The following GALNT14 variants were observed in gnomAD, a reference collection of about 807,000 sequenced individuals.
GALNT14 encodes UDP-GalNAc:polypeptide N-acetylgalactosaminyltransferase 14.
A neutral mutation model predicts 77.5 loss-of-function variants in GALNT14; 60 were observed. That is an observed-to-expected ratio of 0.77 (90% CI 0.63 to 0.96). The LOEUF is 0.96. Among genes scored for constraint, GALNT14 ranks in the 40% least tolerant of loss-of-function variants. The pLI is 0.00. For synonymous variants in GALNT14, 280 were observed against 281.7 expected (o/e 0.99, Z 0.06); for missense variants, 710 against 731.0 (o/e 0.97, Z 0.33).
At chr2:30,922,231 T>C (rs1391431722) in intron 13 of GALNT14, among the ~76,000 whole-genome samples, 1 of 86,498 alleles carries the variant, frequency 1.2e-5, no homozygotes, top group Non-Finnish European at 2.5e-5. Context: ...GTTGAGAAAG[T>C]CCAGGTAGGA....
intron 9 of GALNT14, 110 bp downstream of exon 9, chr2:30,942,091 C>T (rs1165450385): frequency 3.6e-5 from 25 of 700,608 alleles, no homozygotes; most frequent in East Asian, 8.0e-5. Context: ...ATCCAAAGCA[C>T]GTGTCACTCT....
chr2:31,110,316 C>T (rs901877044), intron 1 of GALNT14, among the ~76,000 whole-genome samples: 2 of 152,160 alleles, frequency 1.3e-5, no homozygotes, highest in Admixed American at 1.3e-4. Context: ...CAATGGTTGT[C>T]CCACCTGTAG....
the GALNT14 span, among the ~76,000 whole-genome samples, chr2:30,888,962 T>C: frequency 6.6e-6 from 1 of 151,556 alleles, no homozygotes. Context: ...GGGTGAGTCT[T>C]GTTATCTCCC....
chr2:30,911,572 C>A (rs1664363984), intron 14 of GALNT14, among the ~76,000 whole-genome samples: 1 of 152,092 alleles, frequency 6.6e-6, no homozygotes, highest in African/African-American at 2.4e-5. Flanking sequence ...GGGGAAGCAC[C>A]CCGGAGAGGG....
At chr2:30,944,731 G>A (rs934250645) in intron 8 of GALNT14, 127 bp downstream of exon 8, 6 of 687,052 alleles carry the variant, frequency 8.7e-6, no homozygotes, top group Non-Finnish European at 1.4e-5. Context: ...CAAAAGTGGA[G>A]ATGGCCTGGC....
intron 1 of GALNT14, among the ~76,000 whole-genome samples, chr2:31,092,165 G>A (rs1428572937): frequency 6.6e-6 from 1 of 152,062 alleles, no homozygotes; most frequent in East Asian, 1.9e-4. Context: ...GAGGTTTTGA[G>A]ACTTAGACTG....
chr2:30,887,368 C>A, the GALNT14 span, among the ~76,000 whole-genome samples: 4 of 152,100 alleles, frequency 2.6e-5, no homozygotes, highest in African/African-American at 9.7e-5. Flanking sequence ...TTCTTCATAT[C>A]CTTGCTAATA....
downstream of GALNT14, among the ~76,000 whole-genome samples, chr2:30,905,517 A>G (rs982873381): frequency 2.6e-5 from 4 of 152,104 alleles, no homozygotes; most frequent in African/African-American, 9.7e-5. Context: ...GAGAAAAAAG[A>G]ATAAAAAGAA....
chr2:31,022,708 CT>C (rs926582054), intron 1 of GALNT14, among the ~76,000 whole-genome samples: 2 of 152,092 alleles, frequency 1.3e-5, no homozygotes, highest in Non-Finnish European at 2.9e-5. Flanking sequence ...CATTGGGAGC[CT>C]TAAGCAGAAA....
intron 13 of GALNT14, among the ~76,000 whole-genome samples, chr2:30,912,662 GT>G (rs1437734123): frequency 6.6e-5 from 10 of 152,344 alleles, no homozygotes; most frequent in Middle Eastern, 3.4e-3. Flanking sequence ...GTGCTCCACA[GT>G]TTTTGTTTGG....
chr2:30,991,447 G>A (rs1279623112), intron 2 of GALNT14: 1 of 151,502 alleles, frequency 6.6e-6, no homozygotes. Context: ...AAGTGCCCAG[G>A]AATTTAAACA....
intron 1 of GALNT14, among the ~76,000 whole-genome samples, chr2:31,060,737 G>A (rs536223066): frequency 2.6e-5 from 4 of 152,250 alleles, no homozygotes; most frequent in South Asian, 2.1e-4. Context: ...GGCCCAGCAG[G>A]TCACCTCTCT....
intron 11 of GALNT14, among the ~76,000 whole-genome samples, chr2:30,928,438 T>A (rs1283043552): frequency 6.6e-6 from 1 of 152,050 alleles, no homozygotes. Context: ...CAGGTGTGGT[T>A]TGAGCCACCA....
intron 9 of GALNT14, among the ~76,000 whole-genome samples, chr2:30,933,160 G>A (rs187007633): frequency 0.011 from 1,703 of 152,146 alleles, 37 homozygotes; most frequent in African/African-American, 0.039. Flanking sequence ...ACATTCAAAA[G>A]CAGAATGACT....
chr2:30,931,854 G>A (rs1156932064), intron 10 of GALNT14, among the ~76,000 whole-genome samples: 1 of 152,030 alleles, frequency 6.6e-6, no homozygotes, highest in Admixed American at 6.5e-5. Flanking sequence ...AGCCTCAGAA[G>A]CATTAGGGAA....
chr2:31,128,241 G>A (rs73921505), intron 1 of GALNT14, among the ~76,000 whole-genome samples: 8 of 152,168 alleles, frequency 5.3e-5, no homozygotes, highest in Middle Eastern at 3.4e-3. Flanking sequence ...GGCCACCAAC[G>A]AGACAGAACT....
At chr2:31,068,189 A>G (rs1456945945) in intron 1 of GALNT14, among the ~76,000 whole-genome samples, 2 of 152,188 alleles carry the variant, frequency 1.3e-5, no homozygotes, top group Non-Finnish European at 2.9e-5. Context: ...CTGTAGACTT[A>G]AAAAGGTCCA....
At chr2:31,085,824 A>G (rs1676400814) in intron 1 of GALNT14, among the ~76,000 whole-genome samples, 1 of 152,228 alleles carries the variant, frequency 6.6e-6, no homozygotes, top group South Asian at 2.1e-4. Context: ...GACACTGGTA[A>G]TTTATAAAGA....
chr2:31,080,394 T>C (rs1404205772), intron 1 of GALNT14, among the ~76,000 whole-genome samples: 2 of 152,232 alleles, frequency 1.3e-5, no homozygotes, highest in East Asian at 3.8e-4. Context: ...CCAGTTCAAC[T>C]GGGTGTACTC....
Sources: gnomAD v4.1 joint callset for allele counts (sites outside exome capture counted in the v4.1 genomes callset) on GRCh38, gnomAD v4.1.1 for gene constraint, MANE v1.5 for transcripts, NCBI Gene and HGNC (gene_info 2026-07-23, HGNC 2026-07-21) for gene names.